The following GNG5 variants were observed in gnomAD, a reference collection of about 807,000 sequenced individuals.
GNG5 encodes G protein subunit gamma 5.
In GNG5, 2 loss-of-function variants were observed where a neutral mutation model predicts 6.2. That is an observed-to-expected ratio of 0.32 (90% confidence interval 0.13 to 1.01). GNG5 has a LOEUF of 1.01. Among genes scored for constraint, GNG5 ranks in the 50% least tolerant of loss-of-function variants. The pLI is 0.48. For missense variants in GNG5, 57 were observed against 80.2 expected (o/e 0.71, Z 1.10); for synonymous variants, 24 against 33.0 (o/e 0.73, Z 0.93).
chr1:84,504,100 C>T (rs1303388098), intron 2 of GNG5, among the ~76,000 whole-genome samples: 1 of 152,190 alleles, frequency 6.6e-6, no homozygotes, highest in African/African-American at 2.4e-5. Context: ...CCTGACCTAC[C>T]TATGACAGTT....
intron 2 of GNG5, among the ~76,000 whole-genome samples, 174 bp downstream of exon 2, chr1:84,505,837 C>T (rs370695071): frequency 3.3e-5 from 5 of 152,328 alleles, no homozygotes; most frequent in African/African-American, 1.2e-4. Context: ...CAGCGTAGAC[C>T]CACGCGGCGC....
At chr1:84,502,087 G>A (rs2101891410) in intron 2 of GNG5, 117 bp from the exon 3 acceptor site, 1 of 490,764 alleles carries the variant, frequency 2.0e-6, no homozygotes, top group East Asian at 4.3e-5. Flanking sequence ...TGCTTCAAAA[G>A]AAGATACTAT....
chr1:84,499,642 G>A (rs1682013833), intron 3 of GNG5, among the ~76,000 whole-genome samples: 1 of 152,052 alleles, frequency 6.6e-6, no homozygotes, highest in South Asian at 2.1e-4. Context: ...ATTTAAAAAA[G>A]GCAGAATGAA....
In GNG5 at chr1:84,501,885, G is replaced by A. The variant is rs61754630; in HGVS notation, c.167C>T (p.Thr56Ile). 25 of 1,607,058 alleles carry A rather than the reference G, an allele frequency of 1.6e-5. No individual in the cohort carries two copies. Among genetic ancestry groups the A allele is most frequent in the Non-Finnish European group, 2.1e-5 (25 of 1,173,726 alleles). ...DPLLTGVSSS[T>I]NPFRPQKVCS... ...GACTTTCTGGGGTCTGAAGGGATTT[G>A]TACTTGAAGATACTCCAGTCAGCAG... Residue 56 changes from threonine to isoleucine, a missense_variant, in exon 3 of 4, where the codon ACA (threonine) becomes ATA (isoleucine). Physicochemically the swap from Thr to Ile is moderately conservative, Grantham distance 89. Transcript: ENST00000370645.
chr1:84,500,307 A>C (rs1682030439), intron 3 of GNG5, among the ~76,000 whole-genome samples: 2 of 152,230 alleles, frequency 1.3e-5, no homozygotes, highest in Admixed American at 6.5e-5. Context: ...AACTGCTGCA[A>C]ATCTTAATAT....
Position 84,505,876 on chromosome 1 carries a change from G to A in GNG5, c.81+135C>T. The A allele has an allele frequency of 5.4e-6, 3 of 551,194 alleles. No individual in the cohort carries two copies. The Admixed American group carries it at 1.4e-4, about 25-fold the overall frequency. 34.1% of individuals were successfully genotyped at this position (551,194 alleles called of 1,614,324 possible). On this transcript the variant is annotated intron_variant, in intron 2 of 3. Transcript: ENST00000370645. ...CTCTAAAGCTGGCCGCTCCCCGATC[G>A]CCGCCGCTGAGCGCGCGTCCTCTCC... is the stretch of plus-strand genomic sequence containing the variant.
intron 3 of GNG5, among the ~76,000 whole-genome samples, chr1:84,499,050 A>C (rs1316348118): frequency 6.6e-6 from 1 of 152,370 alleles, no homozygotes. Context: ...ATATGATGGA[A>C]TACAAAGCTA....
intron 2 of GNG5, 120 bp from the exon 3 acceptor site, chr1:84,502,090 GA>G: frequency 2.1e-6 from 1 of 469,628 alleles, no homozygotes; most frequent in Non-Finnish European, 3.9e-6. Flanking sequence ...TTCAAAAGAA[GA>G]TACTATATAA....
At chr1:84,503,799 A>G (rs1257299164) in intron 2 of GNG5, 1 of 152,248 alleles carries the variant, frequency 6.6e-6, no homozygotes, top group African/African-American at 2.4e-5. Flanking sequence ...TTCAGAGAAA[A>G]TGACAGACAA....
intron 3 of GNG5, among the ~76,000 whole-genome samples, chr1:84,500,464 C>T (rs898557793): frequency 1.1e-4 from 17 of 151,876 alleles, no homozygotes; most frequent in African/African-American, 3.9e-4. Flanking sequence ...TAACAGCTGC[C>T]CAGTATTTTA....
chr1:84,499,606 CAA>C (rs747148155), intron 3 of GNG5, among the ~76,000 whole-genome samples: 2 of 151,974 alleles, frequency 1.3e-5, no homozygotes, highest in African/African-American at 4.8e-5. Context: ...ATCTTGTTTA[CAA>C]AGAGTATTTA....
intron 3 of GNG5, among the ~76,000 whole-genome samples, chr1:84,498,800 A>G (rs1681993634): frequency 6.6e-6 from 1 of 152,226 alleles, no homozygotes; most frequent in South Asian, 2.1e-4. Flanking sequence ...AAAGGTTAAT[A>G]AAACTCTCTT....
intron 2 of GNG5, among the ~76,000 whole-genome samples, chr1:84,503,472 T>G (rs986996084): frequency 6.6e-6 from 1 of 152,202 alleles, no homozygotes; most frequent in African/African-American, 2.4e-5. Flanking sequence ...TTCCATAGGT[T>G]TATTAGCTCC....
At chr1:84,500,100 G>A (rs889765991) in intron 3 of GNG5, among the ~76,000 whole-genome samples, 9 of 152,168 alleles carry the variant, frequency 5.9e-5, no homozygotes, top group African/African-American at 1.9e-4. Flanking sequence ...CTCCAATGTA[G>A]ATTCTTTACA....
intron 2 of GNG5, among the ~76,000 whole-genome samples, chr1:84,505,513 G>C (rs527807528): frequency 8.0e-5 from 12 of 150,814 alleles, no homozygotes; most frequent in Non-Finnish European, 1.8e-4. Flanking sequence ...GTGTTCAACG[G>C]ACAAGAGAAG....
chr1:84,500,073 T>TGGA (rs1682025212), intron 3 of GNG5, among the ~76,000 whole-genome samples: 1 of 152,204 alleles, frequency 6.6e-6, no homozygotes, highest in African/African-American at 2.4e-5. Context: ...GTGATAAAAC[T>TGGA]GTATTTATAT....
In GNG5 at chr1:84,506,153, G is replaced by T; in HGVS notation, c.-62C>A. The T allele has an allele frequency of 2.8e-6, 4 of 1,403,880 alleles. No homozygotes were observed. Among genetic ancestry groups the T allele is most frequent in the Non-Finnish European group, 2.9e-6 (3 of 1,029,450 alleles). The allele number at this position is 1,403,880 out of a possible 1,614,324, so 87.0% of individuals were successfully genotyped here. ...GGGTCGTGGGCCGTGGGTCGGCGGGGCCAGACAACTCAGCGGCGCGCGGCG... is the reference window on the plus strand; with the variant it reads ...GGGTCGTGGGCCGTGGGTCGGCGGGTCCAGACAACTCAGCGGCGCGCGGCG... On this transcript the variant is annotated 5_prime_UTR_variant, in exon 2 of 4. Coordinates refer to ENST00000370645, the MANE Select transcript of GNG5 (RefSeq NM_005274.3).
In GNG5 at chr1:84,506,168, GGCGC is replaced by G; in HGVS notation, c.-81_-78del. On this transcript the variant is annotated 5_prime_UTR_variant, in exon 2 of 4. Transcript: ENST00000370645. ...GGTCGGCGGGGCCAGACAACTCAGCGGCGCGCGGCGGGGGCGGGGCTCCGAACTT... is the reference window on the plus strand; with the variant it reads ...GGTCGGCGGGGCCAGACAACTCAGCGGCGGCGGGGGCGGGGCTCCGAACTT... The G allele has an allele frequency of 8.3e-7, 1 of 1,201,024 alleles. No individual in the cohort carries two copies. The highest frequency in any genetic ancestry group is 1.2e-6 in the Non-Finnish European group (1 of 869,386). 74.4% of individuals were successfully genotyped at this position (1,201,024 alleles called of 1,614,324 possible).
chr1:84,504,110 T>G (rs975298064), intron 2 of GNG5, among the ~76,000 whole-genome samples: 1 of 152,198 alleles, frequency 6.6e-6, no homozygotes. Flanking sequence ...CTATGACAGT[T>G]TGTCAAGCAC....
Sources: allele counts gnomAD v4.1 joint callset (sites outside exome capture counted in the v4.1 genomes callset), GRCh38; gene constraint gnomAD v4.1.1; transcripts MANE v1.5; gene names NCBI Gene and HGNC (gene_info 2026-07-23, HGNC 2026-07-21).